The following CMIP variants were observed in gnomAD, a reference collection of about 807,000 sequenced individuals.
CMIP encodes the protein C-Maf-inducing protein.
In CMIP, 13 loss-of-function variants were observed where a neutral mutation model predicts 97.3. That is an observed-to-expected ratio of 0.13 (90% CI 0.09 to 0.21). The LOEUF is 0.21. Among genes scored for constraint, CMIP ranks in the 10% least tolerant of loss-of-function variants. The probability of loss-of-function intolerance (pLI) is 1.00; values close to 1 mark genes in which losing one functional copy is unlikely to be tolerated. For missense variants in CMIP, 847 were observed against 1,024.9 expected, an observed-to-expected ratio of 0.83 and a Z score of 2.37; for synonymous variants, 538 against 436.3, an observed-to-expected ratio of 1.23 and a Z score of -2.91.
chr16:81,607,798 G>A (rs1337804723), intron 2 of CMIP, 106 bp downstream of exon 2: 3 of 1,264,342 alleles, frequency 2.4e-6, no homozygotes, highest in Admixed American at 4.9e-5. Context: ...AGGAAAGGTT[G>A]TTTAACTTTG....
intron 1 of CMIP, among the ~76,000 whole-genome samples, chr16:81,493,514 G>A (rs996647741): frequency 2.0e-5 from 3 of 152,210 alleles, no homozygotes; most frequent in African/African-American, 7.2e-5. Context: ...TGTGACTCAA[G>A]GGGCTGTCCT....
In CMIP at chr16:81,476,121, C is replaced by G. The variant is rs1420353999; in HGVS notation, c.300+30580C>G. The G allele has an allele frequency of 5.4e-6, 5 of 926,946 alleles. No homozygotes were observed. In the East Asian group the frequency reaches 1.2e-4, roughly 23 times the overall value. The allele number at this position is 926,946 out of a possible 1,614,324, so 57.4% of individuals were successfully genotyped here. ...ATGGCCTCCACAGTCTTCACGTCTT[C>G]TTTCACCTTGCCGGAGACCACGTGC... On this transcript the variant is annotated intron_variant, in intron 1 of 20. Coordinates refer to ENST00000537098, the MANE Select transcript of CMIP (RefSeq NM_198390.3).
At chr16:81,464,591 A>C (rs1907090806) in intron 1 of CMIP, 1 of 152,176 alleles carries the variant, frequency 6.6e-6, no homozygotes, top group East Asian at 1.9e-4. Flanking sequence ...AAATATGCAT[A>C]ACACAATACT....
chr16:81,484,917 C>A (rs1337892386), intron 1 of CMIP, among the ~76,000 whole-genome samples: 1 of 152,126 alleles, frequency 6.6e-6, no homozygotes, highest in Admixed American at 6.5e-5. Flanking sequence ...TTCCCTCCCT[C>A]CCCTCCTGCC....
intron 1 of CMIP, among the ~76,000 whole-genome samples, chr16:81,503,087 C>G (rs2089642467): frequency 6.6e-6 from 1 of 152,226 alleles, no homozygotes; most frequent in African/African-American, 2.4e-5. Flanking sequence ...TTCAGCACAA[C>G]CTAAATATTA....
chr16:81,585,666 C>T (rs1052531863), intron 1 of CMIP, among the ~76,000 whole-genome samples: 5 of 127,312 alleles, frequency 3.9e-5, no homozygotes, highest in East Asian at 5.2e-4. Flanking sequence ...CGGCAGACAC[C>T]GCATGGCACA....
chr16:81,615,372 G>A (rs1350764331), intron 2 of CMIP, among the ~76,000 whole-genome samples: 1 of 147,596 alleles, frequency 6.8e-6, no homozygotes, highest in African/African-American at 2.5e-5. Flanking sequence ...ATGTGTAACT[G>A]TATGGTGTGT....
intron 1 of CMIP, among the ~76,000 whole-genome samples, chr16:81,580,957 A>G (rs1387775055): frequency 6.6e-6 from 1 of 152,154 alleles, no homozygotes; most frequent in East Asian, 1.9e-4. Context: ...CAGCCCCCTG[A>G]CAGCCATCAA....
chr16:81,693,588 C>A, intron 13 of CMIP, 101 bp downstream of exon 13: 1 of 1,310,280 alleles, frequency 7.6e-7, no homozygotes, highest in South Asian at 1.4e-5. Context: ...AACAGGCATT[C>A]AGAACAGCTT....
chr16:81,669,121 C>G (rs1204571630), intron 7 of CMIP, among the ~76,000 whole-genome samples: 3 of 40,838 alleles, frequency 7.3e-5, no homozygotes, highest in Non-Finnish European at 1.9e-4. Flanking sequence ...CTCTCACACT[C>G]ACCTCCTTCC....
At chr16:81,618,382 C>G (rs1388917109) in intron 2 of CMIP, 1 of 152,290 alleles carries the variant, frequency 6.6e-6, no homozygotes, top group Non-Finnish European at 1.5e-5. Context: ...TTTCATTGGG[C>G]TACCTAGATC....
At chr16:81,468,722 C>A (rs1411432933) in intron 1 of CMIP, among the ~76,000 whole-genome samples, 1 of 152,222 alleles carries the variant, frequency 6.6e-6, no homozygotes, top group African/African-American at 2.4e-5. Context: ...TCGTGGGAAG[C>A]AGCAGGGTCC....
At position 81,701,942 on chromosome 16, in the gene CMIP, C is replaced by A. The variant is rs543401297; in HGVS notation, c.1896+142C>A. ...CTCCAAACCCCAGAAATTGGTATTA[C>A]CACCTGCCACTTTTCAGGTAATCAA... is the stretch of plus-strand genomic sequence containing the variant. On this transcript the variant is annotated intron_variant, in intron 16 of 20. Coordinates refer to ENST00000537098, the MANE Select transcript of CMIP (RefSeq NM_198390.3). 4.2e-6 allele frequency: 4 copies of A among 950,272 alleles called. No individual in the cohort carries two copies. In the East Asian group the frequency reaches 1.0e-4, roughly 25 times the overall value. The allele number at this position is 950,272 out of a possible 1,614,324, so 58.9% of individuals were successfully genotyped here. A position where few individuals can be genotyped will look rare whatever the true frequency, so the allele number is the denominator to read the frequency against.
chr16:81,696,750 C>A (rs1222174258), intron 14 of CMIP, 83 bp downstream of exon 14: 4 of 1,294,836 alleles, frequency 3.1e-6, no homozygotes, highest in East Asian at 2.4e-5. Context: ...CGTCCCCCAT[C>A]CCCTGGGGCC....
At chr16:81,525,733 C>G (rs757669340) in intron 1 of CMIP, among the ~76,000 whole-genome samples, 6 of 152,220 alleles carry the variant, frequency 3.9e-5, no homozygotes, top group Non-Finnish European at 7.3e-5. Flanking sequence ...GTCATCTTCT[C>G]AAACTGAAAC....
chr16:81,567,055 G>A (rs2090995537), intron 1 of CMIP, among the ~76,000 whole-genome samples: 1 of 152,242 alleles, frequency 6.6e-6, no homozygotes, highest in Non-Finnish European at 1.5e-5. Context: ...TTGTCAGGCT[G>A]TATGCTTGCC....
chr16:81,674,832 C>T (rs937463232), intron 9 of CMIP, among the ~76,000 whole-genome samples: 14 of 151,964 alleles, frequency 9.2e-5, no homozygotes, highest in Admixed American at 2.0e-4. Context: ...GTGATCTGCC[C>T]GCCTCGGCTT....
rs1026094890 is a variant in CMIP at position 81,652,115 on chromosome 16, C to G, written c.478-88C>G. The G allele has an allele frequency of 5.4e-6, 6 of 1,118,276 alleles. No homozygotes were observed. Among genetic ancestry groups the G allele is most frequent in the Non-Finnish European group, 7.9e-6 (6 of 756,286 alleles). 69.3% of individuals were successfully genotyped at this position (1,118,276 alleles called of 1,614,324 possible). ...TCAGTTTCTCAGGGCCCTTTACACC[C>G]TAACCCATCTGATTCTTTGATTGTC... On this transcript the variant is annotated intron_variant, in intron 3 of 20. Transcript: ENST00000537098. This position sits in a 1 kb window ranked among gnomAD's most constrained non-coding sequence, Gnocchi z 5.2.
chr16:81,692,849 C>G (rs1407290512), intron 11 of CMIP, among the ~76,000 whole-genome samples: 2 of 152,218 alleles, frequency 1.3e-5, no homozygotes, highest in Non-Finnish European at 2.9e-5. Flanking sequence ...CCTGGGTCTC[C>G]GGAGCCCACA....
Sources: allele counts gnomAD v4.1 joint callset (sites outside exome capture counted in the v4.1 genomes callset), GRCh38; gene constraint gnomAD v4.1.1; non-coding constraint Gnocchi (gnomAD v3.1); transcripts MANE v1.5; gene names NCBI Gene and HGNC (gene_info 2026-07-23, HGNC 2026-07-21).